The following SLC44A1 variants were observed in gnomAD, a reference collection of about 807,000 sequenced individuals.
The protein encoded by SLC44A1 is choline transporter-like protein 1.
Under a neutral mutation model 79.3 loss-of-function variants are expected in SLC44A1, and 26 were observed. The ratio of observed to expected loss-of-function variants is 0.33; its 90% confidence interval spans 0.24 to 0.46. The LOEUF is 0.46. SLC44A1 is among the 20% of genes least tolerant of loss of function. The pLI is 1.00. For missense variants in SLC44A1, 688 were observed against 798.1 expected (o/e 0.86, Z 1.66); for synonymous variants, 263 against 286.2 (o/e 0.92, Z 0.82).
At chr9:105,348,717 G>A (rs115952194) in intron 5 of SLC44A1, among the ~76,000 whole-genome samples, 168 of 151,752 alleles carry the variant, frequency 1.1e-3, no homozygotes, top group African/African-American at 4.0e-3. Flanking sequence ...TTATTTTCAT[G>A]CCATAATTTT....
At chr9:105,265,275 A>G (rs1017619851) in intron 1 of SLC44A1, among the ~76,000 whole-genome samples, 2 of 152,156 alleles carry the variant, frequency 1.3e-5, no homozygotes, top group African/African-American at 4.8e-5. Flanking sequence ...CTCACTTCCA[A>G]AAATTCCCTT....
intron 15 of SLC44A1, among the ~76,000 whole-genome samples, chr9:105,430,589 A>G (rs1203306596): frequency 1.3e-5 from 2 of 152,220 alleles, no homozygotes; most frequent in Non-Finnish European, 2.9e-5. Context: ...ATGTTGTAGC[A>G]TATACCAATA....
chr9:105,297,679 G>T (rs1588749191), intron 1 of SLC44A1, among the ~76,000 whole-genome samples: 2 of 152,158 alleles, frequency 1.3e-5, no homozygotes, highest in African/African-American at 4.8e-5. Context: ...ACCATGCCTG[G>T]CCTGTGCTTA....
chr9:105,322,813 A>G (rs1826435497), intron 3 of SLC44A1, among the ~76,000 whole-genome samples: 1 of 152,214 alleles, frequency 6.6e-6, no homozygotes, highest in Admixed American at 6.5e-5. Flanking sequence ...TCTACTTTGT[A>G]TAATTGAATG....
At chr9:105,322,053 G>A (rs984135706) in intron 3 of SLC44A1, among the ~76,000 whole-genome samples, 1 of 152,170 alleles carries the variant, frequency 6.6e-6, no homozygotes, top group Non-Finnish European at 1.5e-5. Flanking sequence ...GAAAGGATTA[G>A]AAGTAGGTGC....
At chr9:105,334,297 C>A (rs1826843749) in intron 3 of SLC44A1, among the ~76,000 whole-genome samples, 1 of 150,608 alleles carries the variant, frequency 6.6e-6, no homozygotes, top group South Asian at 2.1e-4. Context: ...GGTTCCCAGT[C>A]CCCTTGCTGC....
At chr9:105,334,261 G>A (rs751186404) in intron 3 of SLC44A1, among the ~76,000 whole-genome samples, 6 of 149,192 alleles carry the variant, frequency 4.0e-5, no homozygotes, top group Non-Finnish European at 7.4e-5. Context: ...TTTTCGTTTG[G>A]TAAGTTATAC....
chr9:105,346,623 T>G (rs1827254228), intron 4 of SLC44A1, among the ~76,000 whole-genome samples: 1 of 152,148 alleles, frequency 6.6e-6, no homozygotes, highest in Non-Finnish European at 1.5e-5. Context: ...GTCTAAAATG[T>G]TTGTTTGCCA....
chr9:105,266,488 T>TTTGAGGTAC (rs1328095347), intron 1 of SLC44A1, among the ~76,000 whole-genome samples: 2 of 152,194 alleles, frequency 1.3e-5, no homozygotes, highest in Non-Finnish European at 2.9e-5. Context: ...TTATATAAGG[T>TTTGAGGTAC]TTGAGGTACA....
chr9:105,286,042 G>A (rs191794310), intron 1 of SLC44A1, among the ~76,000 whole-genome samples: 233 of 152,232 alleles, frequency 1.5e-3, no homozygotes, highest in Non-Finnish European at 2.3e-3. Context: ...TGGAGGTTGC[G>A]GTGAGCCGAG....
chr9:105,302,740 C>G (rs1193316540), intron 2 of SLC44A1, among the ~76,000 whole-genome samples: 1 of 151,534 alleles, frequency 6.6e-6, no homozygotes, highest in African/African-American at 2.4e-5. Context: ...CTCTGCAAAC[C>G]TGATGTTCAG....
intron 7 of SLC44A1, 85 bp from the exon 8 acceptor site, chr9:105,361,106 A>G: frequency 7.6e-7 from 1 of 1,311,330 alleles, no homozygotes; most frequent in Non-Finnish European, 1.1e-6. Flanking sequence ...GATGATCTGT[A>G]GGAAGGGTCA....
chr9:105,278,716 G>T (rs1005059061), intron 1 of SLC44A1, among the ~76,000 whole-genome samples: 1 of 152,158 alleles, frequency 6.6e-6, no homozygotes, highest in Non-Finnish European at 1.5e-5. Flanking sequence ...TTGCAGCTTT[G>T]CCAGATAACT....
At chr9:105,262,015 C>G (rs1350849063) in intron 1 of SLC44A1, among the ~76,000 whole-genome samples, 1 of 151,948 alleles carries the variant, frequency 6.6e-6, no homozygotes, top group African/African-American at 2.4e-5. Flanking sequence ...AACTCCTGAC[C>G]TCAGGTGATC....
intron 13 of SLC44A1, among the ~76,000 whole-genome samples, chr9:105,382,495 C>T (rs1828497172): frequency 6.6e-6 from 1 of 151,974 alleles, no homozygotes; most frequent in Non-Finnish European, 1.5e-5. Flanking sequence ...AAATAAAATA[C>T]GAAACACAGA....
intron 15 of SLC44A1, among the ~76,000 whole-genome samples, chr9:105,405,437 T>C (rs1829017799): frequency 6.6e-6 from 1 of 152,110 alleles, no homozygotes; most frequent in South Asian, 2.1e-4. Context: ...GTCCAATCAA[T>C]TTTTACCAAA....
chr9:105,281,392 A>T (rs1830347235), intron 1 of SLC44A1, among the ~76,000 whole-genome samples: 1 of 152,042 alleles, frequency 6.6e-6, no homozygotes, highest in South Asian at 2.1e-4. Context: ...TTTTTTTACT[A>T]TCTTTTTGAT....
At chr9:105,304,575 A>G (rs1178752844) in intron 2 of SLC44A1, among the ~76,000 whole-genome samples, 1 of 152,182 alleles carries the variant, frequency 6.6e-6, no homozygotes, top group Non-Finnish European at 1.5e-5. Context: ...CCCTGCAAGT[A>G]TACTCTTAAA....
chr9:105,390,180 T>C lies in SLC44A1; in HGVS notation c.*1124T>C. The stretch of plus-strand genomic sequence containing the variant: ...ACTGTTGTTTTTGTTTGGGGGTGGG[T>C]TTGGGGTTTTTTGCTTTTTTATTCC... On this transcript the variant is annotated 3_prime_UTR_variant, in exon 16 of 16. Transcript: ENST00000374720. 8.4e-7 allele frequency: 1 copy of C among 1,183,624 alleles called. No individual in the cohort carries two copies. Among genetic ancestry groups the C allele is most frequent in the Non-Finnish European group, 1.0e-6 (1 of 955,946 alleles). 73.3% of individuals were successfully genotyped at this position (1,183,624 alleles called of 1,614,324 possible).
Sources: gnomAD v4.1 joint callset for allele counts (sites outside exome capture counted in the v4.1 genomes callset) on GRCh38, gnomAD v4.1.1 for gene constraint, MANE v1.5 for transcripts, NCBI Gene and HGNC (gene_info 2026-07-23, HGNC 2026-07-21) for gene names.